Variants in AP2B1 observed in about 807,000 individuals in gnomAD.
AP2B1 encodes AP-2 complex subunit beta.
Under a neutral mutation model 102.0 loss-of-function variants are expected in AP2B1, and 23 were observed. The observed-to-expected ratio is 0.23, with a 90% CI of 0.16 to 0.32. The LOEUF is 0.32. AP2B1 is among the 10% of genes least tolerant of loss of function. The pLI is 1.00. For synonymous variants in AP2B1, 381 were observed against 421.2 expected, an observed-to-expected ratio of 0.90 and a Z score of 1.17; for missense variants, 541 against 1,157.4, an observed-to-expected ratio of 0.47 and a Z score of 7.73.
chr17:35,720,573 A>T (rs6146044), intron 21 of AP2B1, among the ~76,000 whole-genome samples: 4,163 of 27,990 alleles, frequency 0.15, 742 homozygotes, highest in Non-Finnish European at 0.19. Context: ...ATATATATAT[A>T]TTTTTTTTTT....
chr17:35,674,342 G>C (rs758372791), intron 17 of AP2B1, 21 bp downstream of exon 17: 40 of 1,613,142 alleles, frequency 2.5e-5, no homozygotes, highest in Non-Finnish European at 3.3e-5. Flanking sequence ...TGGGTCCCTA[G>C]CTTGATGTTG....
At chr17:35,682,036 C>T (rs1901929900) in intron 17 of AP2B1, among the ~76,000 whole-genome samples, 1 of 152,094 alleles carries the variant, frequency 6.6e-6, no homozygotes, top group Admixed American at 6.5e-5. Context: ...GACCAAATTG[C>T]TTGAGCTCAG....
In AP2B1 at chr17:35,608,023, T is replaced by C. The variant is rs2073743999; in HGVS notation, c.280-119T>C. 5.8e-6 allele frequency: 7 copies of C among 1,209,730 alleles called. No homozygotes were observed. In the East Asian group the frequency reaches 1.2e-4, roughly 20 times the overall value. The allele number at this position is 1,209,730 out of a possible 1,614,324, so 74.9% of individuals were successfully genotyped here. A position where few individuals can be genotyped will look rare whatever the true frequency, so the allele number is the denominator to read the frequency against. On this transcript the variant is annotated intron_variant, in intron 4 of 21. Coordinates refer to ENST00000610402, the MANE Select transcript of AP2B1 (RefSeq NM_001030006.2). ...GAATAGCATGGAAGATTGGAGCTCATGTAGAATGTATCTGGAAGCTTAAAT... is the reference window on the plus strand; with the variant it reads ...GAATAGCATGGAAGATTGGAGCTCACGTAGAATGTATCTGGAAGCTTAAAT...
chr17:35,616,289 T>C (rs1292159104), intron 5 of AP2B1, among the ~76,000 whole-genome samples: 1 of 151,116 alleles, frequency 6.6e-6, no homozygotes, highest in Non-Finnish European at 1.5e-5. Flanking sequence ...CTCACACTTC[T>C]GAGTAGCTGG....
In AP2B1 at chr17:35,605,854, A is replaced by G; in HGVS notation, c.279+14A>G. ...AGCTTTGTGAAGGTAACTTTTCCCA[A>G]GGCCTCAATAACAGAGTTTGAATTG... On this transcript the variant is annotated intron_variant, in intron 4 of 21. Coordinates refer to ENST00000610402, the MANE Select transcript of AP2B1 (RefSeq NM_001030006.2). 1 of 1,606,782 alleles carries G rather than the reference A, an allele frequency of 6.2e-7. No homozygotes were observed. Among genetic ancestry groups the G allele is most frequent in the South Asian group, 1.1e-5 (1 of 89,878 alleles).
In AP2B1 at chr17:35,626,666, A is replaced by C; in HGVS notation, c.762A>C (p.Ala254=). The C allele has an allele frequency of 6.2e-7, 1 of 1,613,692 alleles. No homozygotes were observed. Among genetic ancestry groups the C allele is most frequent in the South Asian group, 1.1e-5 (1 of 91,028 alleles). Residue 254 remains alanine (A), a synonymous_variant, in exon 7 of 22, where the codon GCA becomes GCC. Transcript: ENST00000610402. ...CCCGGCTATCCCATGCCAACTCAGC[A>C]GTGGTGCTTTCAGCGGTAAAAGTCC... The part of the protein sequence containing the change: ...VTPRLSHANS[A]VVLSAVKVLM...
chr17:35,608,291 C>G lies in AP2B1; in HGVS notation c.429C>G (p.Val143=). ...CCTATGTTCGGAAAACAGCAGCAGT[C>G]TGCGTGGCAAAACTCCATGATATCA... ...EDPYVRKTAA[V]CVAKLHDINA... is the part of the protein sequence containing the mutation. The change falls in exon 5 of 22, where the codon GTC becomes GTG. Residue 143 remains valine (V), a synonymous_variant. Transcript: ENST00000610402. 6.2e-7 allele frequency: 1 copy of G among 1,614,178 alleles called. No homozygotes were observed. The highest frequency in any genetic ancestry group is 1.1e-5 in the South Asian group (1 of 91,080).
chr17:35,621,931 A>T (rs2074190696), intron 5 of AP2B1, among the ~76,000 whole-genome samples: 1 of 152,186 alleles, frequency 6.6e-6, no homozygotes, highest in South Asian at 2.1e-4. Flanking sequence ...ACAACTGGTA[A>T]CCAAGACTGG....
chr17:35,625,240 C>G (rs112213078), intron 6 of AP2B1, among the ~76,000 whole-genome samples: 2,117 of 152,242 alleles, frequency 0.014, 42 homozygotes, highest in African/African-American at 0.048. Flanking sequence ...CTGTACTAGG[C>G]AAAGTACTTC....
chr17:35,638,408 A>G (rs965341148), intron 10 of AP2B1, among the ~76,000 whole-genome samples: 2 of 152,236 alleles, frequency 1.3e-5, no homozygotes, highest in Non-Finnish European at 2.9e-5. Context: ...AGAGAGCTGT[A>G]GATATGTAAA....
At chr17:35,698,933 G>A (rs2076190313) in intron 18 of AP2B1, among the ~76,000 whole-genome samples, 2 of 152,188 alleles carry the variant, frequency 1.3e-5, no homozygotes, top group South Asian at 2.1e-4. Context: ...TTAAAGCAAT[G>A]TCTATTCATA....
chr17:35,714,782 A>G (rs2076519735), intron 20 of AP2B1, among the ~76,000 whole-genome samples: 1 of 152,214 alleles, frequency 6.6e-6, no homozygotes, highest in African/African-American at 2.4e-5. Context: ...ATATTTGACC[A>G]TCTTTTTTTA....
chr17:35,666,916 G>A (rs935854142), intron 14 of AP2B1, among the ~76,000 whole-genome samples: 1 of 152,164 alleles, frequency 6.6e-6, no homozygotes, highest in South Asian at 2.1e-4. Context: ...TGGGAGAATC[G>A]CTTGAGCCCA....
Position 35,627,699 on chromosome 17 carries a change from C to T in AP2B1, c.1128C>T (p.Ala376=). 6.2e-7 allele frequency: 1 copy of T among 1,614,120 alleles called. No individual in the cohort carries two copies. Among genetic ancestry groups the T allele is most frequent in the South Asian group, 1.1e-5 (1 of 91,074 alleles). Residue 376 remains alanine, a synonymous_variant, in exon 9 of 22, where the codon GCC becomes GCT. Coordinates refer to ENST00000610402, the MANE Select transcript of AP2B1 (RefSeq NM_001030006.2). ...ACTTTGTTCGAAAAGCTGTGCGGGCCATTGGACGGTGTGCCATCAAGGTGG... is the reference window on the plus strand; with the variant it reads ...ACTTTGTTCGAAAAGCTGTGCGGGCTATTGGACGGTGTGCCATCAAGGTGG... ...DVDFVRKAVR[A]IGRCAIKVEQ... is the part of the protein sequence containing the mutation.
intron 5 of AP2B1, among the ~76,000 whole-genome samples, chr17:35,622,486 T>C (rs566487545): frequency 4.1e-4 from 62 of 152,362 alleles, no homozygotes; most frequent in African/African-American, 1.5e-3. Context: ...AGCTAGATTG[T>C]AGTCATTATG....
rs192797769 is a variant in AP2B1, at chr17:35,604,513, T to A, written c.144-1192T>A. Among the ~76,000 whole-genome samples the A allele has an allele frequency of 2.0e-5, 3 of 151,652 alleles. No individual in the cohort carries two copies. The East Asian group carries it at 5.8e-4, about 29-fold the overall frequency. On this transcript the variant is annotated intron_variant, in intron 3 of 21. Coordinates refer to ENST00000610402, the MANE Select transcript of AP2B1 (RefSeq NM_001030006.2). ...TGGCTCACATCTGTAATCCCAGAAC[T>A]TTGGGAGGCCAAGGCAGGTGGATCA... is the stretch of plus-strand genomic sequence containing the variant.
At chr17:35,660,456 C>G (rs2075331992) in intron 14 of AP2B1, among the ~76,000 whole-genome samples, 1 of 151,180 alleles carries the variant, frequency 6.6e-6, no homozygotes, top group East Asian at 1.9e-4. Context: ...CCTAGATGCT[C>G]AGATACCTTT....
At chr17:35,680,378 C>T (rs2075791458) in intron 17 of AP2B1, among the ~76,000 whole-genome samples, 1 of 151,686 alleles carries the variant, frequency 6.6e-6, no homozygotes, top group Non-Finnish European at 1.5e-5. Flanking sequence ...TTTTTTTCCA[C>T]CCGAAACAGG....
intron 5 of AP2B1, among the ~76,000 whole-genome samples, chr17:35,623,137 C>G (rs2074228870): frequency 6.7e-6 from 1 of 148,198 alleles, no homozygotes; most frequent in Non-Finnish European, 1.5e-5. Flanking sequence ...TTTTAAATGA[C>G]TTTAGATGTT....
Sources: gnomAD v4.1 joint callset for allele counts (sites outside exome capture counted in the v4.1 genomes callset) on GRCh38, gnomAD v4.1.1 for gene constraint, MANE v1.5 for transcripts, NCBI Gene and HGNC (gene_info 2026-07-23, HGNC 2026-07-21) for gene names.